The following NECAP2 variants were observed in gnomAD, a reference collection of about 807,000 sequenced individuals.
NECAP2 encodes the protein NECAP endocytosis associated 2, also known as adaptin ear-binding coat-associated protein 2.
Under a neutral mutation model 37.8 loss-of-function variants are expected in NECAP2, and 38 were observed. The ratio of observed to expected loss-of-function variants is 1.01; its 90% CI spans 0.78 to 1.32. NECAP2 has a LOEUF of 1.32. Among genes scored for constraint, NECAP2 ranks in the 40% most tolerant of loss-of-function variants. The probability of loss-of-function intolerance (pLI) is 0.00; values close to 1 mark genes in which losing one functional copy is unlikely to be tolerated. For missense variants in NECAP2, 316 were observed against 334.5 expected (o/e 0.94, Z 0.43); for synonymous variants, 121 against 127.7 (o/e 0.95, Z 0.35).
intron 2 of NECAP2, among the ~76,000 whole-genome samples, chr1:16,445,522 G>C (rs2086747685): frequency 6.6e-6 from 1 of 152,190 alleles, no homozygotes; most frequent in South Asian, 2.1e-4. Context: ...AAGGAATCTT[G>C]GTGAGGTTGG....
At position 16,455,879 on chromosome 1, in the gene NECAP2, T is replaced by A; in HGVS notation, c.729T>A (p.Phe243Leu). ...CCACTGCTGACATCTGGGGAGACTT[T>A]ACCAAATCTACAGGGTAAGGAGGGC... ...NPATADIWGD[F>L]TKSTGSTSSQ... The change falls in exon 7 of 8, where the codon TTT (phenylalanine) becomes TTA (leucine). Residue 243 changes from phenylalanine to leucine, a missense_variant. Phe to Leu is a conservative substitution (Grantham distance 22, BLOSUM62 0). Around this residue, in one of 3 missense-constraint regions of NECAP2, gnomAD observed 204 missense variants for 188.6 expected, o/e 1.08. Transcript: ENST00000337132. 6.2e-7 allele frequency: 1 copy of A among 1,614,016 alleles called. No individual in the cohort carries two copies. The highest frequency in any genetic ancestry group is 8.5e-7 in the Non-Finnish European group (1 of 1,179,910).
rs1190712575 is a variant in NECAP2 at position 16,447,974 on chromosome 1, G to T, written c.298G>T (p.Gly100Trp). ...YFVIRIEDGN[G>W]RRAFIGIGFG... ...CGTGATCCGCATCGAAGATGGAAAT[G>T]GTAGGCATGGGTCCTGGTGCTTCCT... Residue 100 changes from glycine to tryptophan, a missense_variant and splice_region_variant, in exon 3 of 8, where the codon GGG becomes TGG. Gly to Trp is a radical substitution (Grantham distance 184). Transcript: ENST00000337132. 1 of 1,614,034 alleles carries T rather than the reference G, an allele frequency of 6.2e-7. No homozygotes were observed. Among genetic ancestry groups the T allele is most frequent in the Non-Finnish European group, 8.5e-7 (1 of 1,179,888 alleles).
chr1:16,452,129 T>C (rs141787500), intron 6 of NECAP2, 114 bp downstream of exon 6: 1 of 1,081,782 alleles, frequency 9.2e-7, no homozygotes, highest in Non-Finnish European at 1.3e-6. Flanking sequence ...ATGTAGTACC[T>C]GTCCGTGTCA....
Position 16,440,865 on chromosome 1 carries a change from C to T in NECAP2, c.92+12C>T, listed in dbSNP as rs2086680129. 6.2e-7 allele frequency: 1 copy of T among 1,607,564 alleles called. No individual in the cohort carries two copies. The highest frequency in any genetic ancestry group is 8.5e-7 in the Non-Finnish European group (1 of 1,173,952). ...AACCGTGGCTACAGGTGACTACCCA[C>T]CGCCAGACCAGGCTAGCTCCAATTT... On this transcript the variant is annotated intron_variant, in intron 1 of 7. Transcript: ENST00000337132.
In NECAP2 at chr1:16,447,916, T is replaced by A. The variant is rs1259231094; in HGVS notation, c.240T>A (p.Ala80=). 1 of 1,613,990 alleles carries A rather than the reference T, an allele frequency of 6.2e-7. No individual in the cohort carries two copies. The highest frequency in any genetic ancestry group is 8.5e-7 in the Non-Finnish European group (1 of 1,180,000). The change falls in exon 3 of 8, where the codon GCT becomes GCA. Residue 80 remains alanine (A), a synonymous_variant. Coordinates refer to ENST00000337132, the MANE Select transcript of NECAP2 (RefSeq NM_018090.5). ...CGGTGGATCAGTTTCCTGGCACAGC[T>A]GTGGAGAGTGTGACGGATTCCAGCA... is the stretch of plus-strand genomic sequence containing the variant. ...QAPVDQFPGT[A]VESVTDSSRY...
At chr1:16,443,862 A>C (rs1334011271) in intron 2 of NECAP2, 130 bp downstream of exon 2, 28 of 687,060 alleles carry the variant, frequency 4.1e-5, no homozygotes. Flanking sequence ...ACGTGTGTGT[A>C]CCTTTAAGCT....
At chr1:16,443,828 G>T in intron 2 of NECAP2, 96 bp downstream of exon 2, 1 of 906,764 alleles carries the variant, frequency 1.1e-6, no homozygotes, top group African/African-American at 1.6e-5. Flanking sequence ...AGGGGTCATG[G>T]GAACCTGTCC....
chr1:16,447,019 CG>C (rs2086773300), intron 2 of NECAP2, among the ~76,000 whole-genome samples: 1 of 151,112 alleles, frequency 6.6e-6, no homozygotes, highest in African/African-American at 2.4e-5. Context: ...GAGATTGCGC[CG>C]CTGCACTCCA....
At chr1:16,453,097 G>T (rs1471265276) in intron 6 of NECAP2, among the ~76,000 whole-genome samples, 1 of 151,570 alleles carries the variant, frequency 6.6e-6, no homozygotes, top group East Asian at 1.9e-4. Flanking sequence ...GCAAGAATCT[G>T]CATTCTTGTG....
chr1:16,454,856 A>G lies in NECAP2; in HGVS notation c.668-962A>G, dbSNP rs75440369. Among the ~76,000 whole-genome samples, 80 of 152,328 alleles carry G rather than the reference A, an allele frequency of 5.3e-4. 1 individual carries two copies. The East Asian group carries it at 0.014, about 28-fold the overall frequency. On this transcript the variant is annotated intron_variant, in intron 6 of 7. Coordinates refer to ENST00000337132, the MANE Select transcript of NECAP2 (RefSeq NM_018090.5). Reference sequence around the variant, plus strand: ...TCATTTTATTAATATCGTTATTGCCACTATATGCTGGACCTGTTCTAAGCA... The same window carrying G: ...TCATTTTATTAATATCGTTATTGCCGCTATATGCTGGACCTGTTCTAAGCA...
At chr1:16,451,576 GGT>G in intron 5 of NECAP2, 1 of 515,758 alleles carries the variant, frequency 1.9e-6, no homozygotes, top group South Asian at 2.4e-5. Flanking sequence ...AGCGTGTAAT[GGT>G]ATATCATTAT....
chr1:16,455,013 A>G (rs926342173), intron 6 of NECAP2, among the ~76,000 whole-genome samples: 4 of 152,192 alleles, frequency 2.6e-5, no homozygotes, highest in South Asian at 2.1e-4. Context: ...GTCTTTCCCT[A>G]GGGGCTGGGG....
rs2086696602 is a variant in NECAP2, at chr1:16,442,000, CAG to C, written c.92+1150_92+1151del. Among the ~76,000 whole-genome samples, 4 of 143,814 alleles carry C rather than the reference CAG, an allele frequency of 2.8e-5. No individual in the cohort carries two copies. In the South Asian group the frequency reaches 8.8e-4, roughly 32 times the overall value. The allele number at this position is 143,814 out of a possible 152,430, so 94.3% of individuals were successfully genotyped here. A position where few individuals can be genotyped will look rare whatever the true frequency, so the allele number is the denominator to read the frequency against. On this transcript the variant is annotated intron_variant, in intron 1 of 7. Transcript: ENST00000337132. ...GGGTCTTTTTTTTTTTTTTTTGAGA[CAG>C]AGTTTCCCTCTTGTTGTCCAGGCTA...
chr1:16,459,051 T>A lies in NECAP2; in HGVS notation c.*161T>A. On this transcript the variant is annotated 3_prime_UTR_variant, in exon 8 of 8. Transcript: ENST00000337132. ...TTGACAAACCGGGCATGTTTGGCAG[T>A]AAATTGGCACCGTGTCACACTGTTT... The A allele has an allele frequency of 6.6e-7, 1 of 1,505,012 alleles. No individual in the cohort carries two copies. The highest frequency in any genetic ancestry group is 8.9e-7 in the Non-Finnish European group (1 of 1,118,482). 93.2% of individuals were successfully genotyped at this position (1,505,012 alleles called of 1,614,324 possible).
intron 5 of NECAP2, chr1:16,449,429 G>A: frequency 2.0e-6 from 1 of 500,352 alleles, no homozygotes; most frequent in South Asian, 2.7e-5. Context: ...TGGCAGGAAA[G>A]GTTCCATGAC....
chr1:16,457,433 A>T (rs2086937094), intron 7 of NECAP2, among the ~76,000 whole-genome samples: 1 of 152,148 alleles, frequency 6.6e-6, no homozygotes, highest in Non-Finnish European at 1.5e-5. Context: ...CCTGGGTCAC[A>T]AGAGCAAGAC....
rs1477896740 is a variant in NECAP2 at position 16,440,728 on chromosome 1, G to C, written c.-34G>C. ...TCCGTCGGACAGAGGAACGGTGGAA[G>C]TCGCCGGAAGTTCGGTGGGCTCCAG... On this transcript the variant is annotated 5_prime_UTR_variant, in exon 1 of 8. Transcript: ENST00000337132. 1 of 1,591,602 alleles carries C rather than the reference G, an allele frequency of 6.3e-7. No homozygotes were observed. The highest frequency in any genetic ancestry group is 8.6e-7 in the Non-Finnish European group (1 of 1,159,776).
In NECAP2 at chr1:16,447,888, C is replaced by T. The variant is rs765823749; in HGVS notation, c.212C>T (p.Ala71Val). The change falls in exon 3 of 8, where the codon GCC becomes GTC. Residue 71 changes from alanine (A) to valine (V), a missense_variant. Transcript: ENST00000337132. ...DRTSGELFAQ[A>V]PVDQFPGTAV... ...CTTTCAGGGGAGCTCTTTGCTCAGG[C>T]CCCGGTGGATCAGTTTCCTGGCACA... 7.4e-6 allele frequency: 12 copies of T among 1,614,058 alleles called. No homozygotes were observed. The highest frequency in any genetic ancestry group is 2.2e-5 in the South Asian group (2 of 91,090).
At position 16,455,862 on chromosome 1, in the gene NECAP2, G is replaced by A. The variant is rs556080423; in HGVS notation, c.712G>A (p.Asp238Asn). The change falls in exon 7 of 8, where the codon GAC (aspartate) becomes AAC (asparagine). Residue 238 changes from aspartate (D) to asparagine (N), a missense_variant. Physicochemically the swap from Asp to Asn is conservative, Grantham distance 23. Around this residue, in one of 3 missense-constraint regions of NECAP2, gnomAD observed 204 missense variants for 188.6 expected, o/e 1.08. Transcript: ENST00000337132. ...GCCACAGCCCAATCCTGCCACTGCT[G>A]ACATCTGGGGAGACTTTACCAAATC... ...PWPQPNPATA[D>N]IWGDFTKSTG... The A allele has an allele frequency of 6.2e-7, 1 of 1,614,098 alleles. No homozygotes were observed. The highest frequency in any genetic ancestry group is 1.1e-5 in the South Asian group (1 of 91,072).
Sources: gnomAD v4.1 joint callset for allele counts (sites outside exome capture counted in the v4.1 genomes callset) on GRCh38, gnomAD v4.1.1 for gene constraint, gnomAD v4.1.1 regional missense constraint, MANE v1.5 for transcripts, NCBI Gene and HGNC (gene_info 2026-07-23, HGNC 2026-07-21) for gene names.